GATAD2B: variants seen among roughly 807,000 people sequenced by gnomAD.
GATAD2B encodes the protein transcriptional repressor p66-beta.
In GATAD2B, 8 loss-of-function variants were observed where a neutral mutation model predicts 64.3. The observed-to-expected ratio is 0.12, with a 90% CI of 0.07 to 0.22. The LOEUF (loss-of-function observed/expected upper bound fraction) is 0.22, where lower values mean the gene tolerates loss of function less well. Among genes scored for constraint, GATAD2B ranks in the 10% least tolerant of loss-of-function variants. The pLI is 1.00. For missense variants in GATAD2B, 453 were observed against 752.0 expected (o/e 0.60, Z 4.65); for synonymous variants, 281 against 271.3 (o/e 1.04, Z -0.35).
chr1:153,825,469 G>C (rs1674840521), intron 2 of GATAD2B, among the ~76,000 whole-genome samples: 1 of 152,124 alleles, frequency 6.6e-6, no homozygotes, highest in African/African-American at 2.4e-5. Flanking sequence ...TGTTGCCCAG[G>C]TTGGAGTGCA....
chr1:153,889,617 G>A (rs1677304882), intron 1 of GATAD2B: 2 of 390,226 alleles, frequency 5.1e-6, no homozygotes, highest in Non-Finnish European at 7.0e-6. Context: ...CAACATAAAA[G>A]GAAACAGCTG....
At chr1:153,855,650 A>C (rs1332421185) in intron 1 of GATAD2B, among the ~76,000 whole-genome samples, 1 of 152,142 alleles carries the variant, frequency 6.6e-6, no homozygotes, top group Non-Finnish European at 1.5e-5. Context: ...GGCTAAATTC[A>C]AGGTATGAGT....
Position 153,816,250 on chromosome 1 carries a change from T to C in GATAD2B, c.1216+23A>G, listed in dbSNP as rs1229003122. The C allele has an allele frequency of 2.0e-6, 3 of 1,537,052 alleles. No homozygotes were observed. The highest frequency in any genetic ancestry group is 1.7e-4 in the Middle Eastern group (1 of 5,912). Reference sequence around the variant, plus strand: ...CTTGGCAACCACTTGCTTAAATAGATTGATTAGAAGAAACAGCCTTACCTT... The same window carrying C: ...CTTGGCAACCACTTGCTTAAATAGACTGATTAGAAGAAACAGCCTTACCTT... On this transcript the variant is annotated intron_variant, in intron 7 of 10. Coordinates refer to ENST00000368655, the MANE Select transcript of GATAD2B (RefSeq NM_020699.4). The surrounding 1 kb of genome is among the most constrained non-coding windows in gnomAD (Gnocchi z 4.9).
At chr1:153,861,876 GTA>G (rs138235023) in intron 1 of GATAD2B, among the ~76,000 whole-genome samples, 2,241 of 143,550 alleles carry the variant, frequency 0.016, 68 homozygotes, top group African/African-American at 0.055. Flanking sequence ...ATATATATGT[GTA>G]TATATATATA....
chr1:153,918,904 T>C (rs565011871), intron 1 of GATAD2B, among the ~76,000 whole-genome samples: 31 of 151,954 alleles, frequency 2.0e-4, no homozygotes, highest in African/African-American at 7.5e-4. Context: ...TGAGCTGAGA[T>C]CACACCACTG....
At chr1:153,825,764 A>G (rs1050009830) in intron 2 of GATAD2B, among the ~76,000 whole-genome samples, 2 of 152,102 alleles carry the variant, frequency 1.3e-5, no homozygotes, top group African/African-American at 2.4e-5. Flanking sequence ...TTGCTTATGG[A>G]GCATGGTTTT....
intron 2 of GATAD2B, among the ~76,000 whole-genome samples, chr1:153,820,974 A>ATTTTTTTTTTTT (rs869096882): frequency 1.2e-4 from 6 of 50,866 alleles, no homozygotes; most frequent in African/African-American, 5.2e-4. Context: ...GGCACATGGA[A>ATTTTTTTTTTTT]TTTTTTTTTT....
chr1:153,825,089 A>G (rs534683545), intron 2 of GATAD2B, among the ~76,000 whole-genome samples: 2 of 152,300 alleles, frequency 1.3e-5, no homozygotes, highest in East Asian at 3.9e-4. Context: ...CCTTGTCAGG[A>G]AAGGGAAAGA....
At chr1:153,848,718 C>T (rs1297212909) in intron 1 of GATAD2B, among the ~76,000 whole-genome samples, 1 of 152,108 alleles carries the variant, frequency 6.6e-6, no homozygotes, top group African/African-American at 2.4e-5. Flanking sequence ...CTTTGGGAGG[C>T]CGAGGCGGGT....
intron 1 of GATAD2B, among the ~76,000 whole-genome samples, chr1:153,876,227 C>CAAAAAAAAAAAAAAAAAAAAAAAAAAAAA (rs71093296): frequency 1.4e-4 from 7 of 48,430 alleles, no homozygotes; most frequent in Admixed American, 1.1e-3. Flanking sequence ...GACTTCGTCT[C>CAAAAAAAAAAAAAAAAAAAAAAAAAAAAA]AAAAAAAAAA....
chr1:153,862,867 G>A (rs979348013), intron 1 of GATAD2B, among the ~76,000 whole-genome samples: 3 of 151,732 alleles, frequency 2.0e-5, no homozygotes, highest in Non-Finnish European at 4.4e-5. Flanking sequence ...TGGGATTACA[G>A]GCATGCGCCA....
intron 1 of GATAD2B, among the ~76,000 whole-genome samples, chr1:153,840,026 CTTTTTTTTT>C (rs779722872): frequency 2.0e-5 from 2 of 97,812 alleles, no homozygotes; most frequent in African/African-American, 8.6e-5. Flanking sequence ...AAAATACTTT[CTTTTTTTTT>C]TTTTTTTTTT....
chr1:153,845,789 A>C (rs1417683464), intron 1 of GATAD2B, among the ~76,000 whole-genome samples: 1 of 151,956 alleles, frequency 6.6e-6, no homozygotes, highest in Non-Finnish European at 1.5e-5. Context: ...AATAAAAATT[A>C]CCAGGCATGG....
At chr1:153,901,197 G>C (rs1050298727) in intron 1 of GATAD2B, among the ~76,000 whole-genome samples, 3 of 147,990 alleles carry the variant, frequency 2.0e-5, no homozygotes, top group African/African-American at 7.4e-5. Flanking sequence ...CTGGGCAACA[G>C]AGCAAAATTC....
At chr1:153,845,468 C>T (rs1675650890) in intron 1 of GATAD2B, among the ~76,000 whole-genome samples, 1 of 151,912 alleles carries the variant, frequency 6.6e-6, no homozygotes, top group Non-Finnish European at 1.5e-5. Flanking sequence ...TTAGGCTGGG[C>T]GTGGTGGTGG....
At chr1:153,872,305 G>T (rs985647086) in intron 1 of GATAD2B, among the ~76,000 whole-genome samples, 87 of 132,342 alleles carry the variant, frequency 6.6e-4, no homozygotes, top group Admixed American at 1.2e-3. Context: ...GGTGACAGAG[G>T]ACTCTGTCTC....
intron 1 of GATAD2B, among the ~76,000 whole-genome samples, chr1:153,861,809 T>TATATATATATATATATACACAC (rs1294838675): frequency 3.3e-5 from 4 of 122,182 alleles, no homozygotes; most frequent in African/African-American, 1.2e-4. Context: ...TATATATATA[T>TATATATATATATATATACACAC]ACACATATGT....
At chr1:153,815,303 A>AAAAAAAAAAG (rs1557780311) in intron 7 of GATAD2B, among the ~76,000 whole-genome samples, 3 of 148,810 alleles carry the variant, frequency 2.0e-5, no homozygotes, top group African/African-American at 5.0e-5. Context: ...CAAAAAAAAA[A>AAAAAAAAAAG]AAAAGAAAAG....
At chr1:153,916,286 A>G (rs1000555059) in intron 1 of GATAD2B, among the ~76,000 whole-genome samples, 32 of 152,070 alleles carry the variant, frequency 2.1e-4, no homozygotes, top group Non-Finnish European at 3.7e-4. Flanking sequence ...AGAAAAAAAA[A>G]AAAAAAAGAA....
Sources: allele counts gnomAD v4.1 joint callset (sites outside exome capture counted in the v4.1 genomes callset), GRCh38; gene constraint gnomAD v4.1.1; non-coding constraint Gnocchi (gnomAD v3.1); transcripts MANE v1.5; gene names NCBI Gene and HGNC (gene_info 2026-07-23, HGNC 2026-07-21).